Variants in FAH observed in about 807,000 individuals in gnomAD.
FAH encodes fumarylacetoacetate hydrolase, also known as fumarylacetoacetase.
In FAH, 47 loss-of-function variants were observed where a neutral mutation model predicts 55.8. The ratio of observed to expected loss-of-function variants is 0.84; its 90% CI spans 0.67 to 1.07. The LOEUF is 1.07. Among genes scored for constraint, FAH ranks in the 50% least tolerant of loss-of-function variants. The pLI, the probability that FAH is intolerant of heterozygous loss-of-function variation, is 0.00. For synonymous variants in FAH, 199 were observed against 207.7 expected, an observed-to-expected ratio of 0.96 and a Z score of 0.36; for missense variants, 495 against 545.9, an observed-to-expected ratio of 0.91 and a Z score of 0.93.
At chr15:80,171,539 C>T (rs1656122357) in intron 7 of FAH, among the ~76,000 whole-genome samples, 1 of 152,216 alleles carries the variant, frequency 6.6e-6, no homozygotes, top group African/African-American at 2.4e-5. Context: ...CGGCCTGCTG[C>T]AGCCTTGACC....
chr15:80,175,844 A>T (rs368443188), intron 10 of FAH, among the ~76,000 whole-genome samples: 1 of 151,834 alleles, frequency 6.6e-6, no homozygotes, highest in African/African-American at 2.4e-5. Context: ...ATGTCAATTC[A>T]TGCAAAGGTC....
chr15:80,162,817 C>A lies in FAH; in HGVS notation c.455+481C>A, dbSNP rs11541885. On this transcript the variant is annotated intron_variant, in intron 5 of 13. Transcript: ENST00000561421. ...GGCCATGATTGTAAGCCCCATTTTACAGACAGGAAAATGGGCTCAGAGAAG... is the reference window on the plus strand; with the variant it reads ...GGCCATGATTGTAAGCCCCATTTTAAAGACAGGAAAATGGGCTCAGAGAAG... The A allele has an allele frequency of 3.3e-3, 745 of 226,336 alleles. 5 individuals carry two copies. The highest frequency in any genetic ancestry group is 0.016 in the African/African-American group (727 of 44,206). 14.0% of individuals were successfully genotyped at this position (226,336 alleles called of 1,614,324 possible).
intron 12 of FAH, among the ~76,000 whole-genome samples, chr15:80,180,504 G>A (rs1595897525): frequency 6.6e-6 from 1 of 152,310 alleles, no homozygotes; most frequent in East Asian, 1.9e-4. Context: ...GACAGTGATA[G>A]TGTCTTGGTT....
At chr15:80,153,205 GTGGAGTGGAA>G (rs2041068271) in intron 1 of FAH, 70 bp downstream of exon 1, 12 of 1,191,408 alleles carry the variant, frequency 1.0e-5, no homozygotes, top group Non-Finnish European at 1.3e-5. Flanking sequence ...GTGGAGTGGA[GTGGAGTGGAA>G]TGGAGTGGAA....
In FAH at chr15:80,180,220, G is replaced by A. The variant is rs895743403; in HGVS notation, c.1057G>A (p.Gly353Arg). ...GDLLASGTISGPEPENFGSML... is the reference protein window; with the variant it reads ...GDLLASGTISRPEPENFGSML... Reference sequence around the variant, plus strand: ...CCTCCTGGCTTCTGGGACCATCAGCGGGCCGGTGAGTATCTGGCTGCACTG... The same window carrying A: ...CCTCCTGGCTTCTGGGACCATCAGCAGGCCGGTGAGTATCTGGCTGCACTG... The change falls in exon 12 of 14, where the codon GGG becomes AGG. Residue 353 changes from glycine to arginine, a missense_variant. By Grantham distance (125) the Gly-to-Arg change is moderately radical (BLOSUM62 -2). Transcript: ENST00000561421. 5.0e-6 allele frequency: 8 copies of A among 1,605,252 alleles called. No individual in the cohort carries two copies. Among genetic ancestry groups the A allele is most frequent in the Admixed American group, 3.3e-5 (2 of 59,996 alleles).
intron 1 of FAH, 130 bp from the exon 2 acceptor site, chr15:80,157,930 C>T (rs540241211): frequency 4.1e-6 from 3 of 733,494 alleles, no homozygotes; most frequent in South Asian, 2.9e-5. Context: ...CATGGTTCTT[C>T]AGTCCGCTCT....
At position 80,181,028 on chromosome 15, in the gene FAH, T is replaced by C; in HGVS notation, c.1063-14T>C. ...AAATTCATGTTATTCTTTCTTCCCT[T>C]TCCTGTGATGAAGGAGCCAGAAAAC... is the stretch of plus-strand genomic sequence containing the variant. On this transcript the variant is annotated splice_polypyrimidine_tract_variant and intron_variant, in intron 12 of 13. Coordinates refer to ENST00000561421, the MANE Select transcript of FAH (RefSeq NM_000137.4). The C allele has an allele frequency of 6.3e-7, 1 of 1,598,788 alleles. No individual in the cohort carries two copies. Among genetic ancestry groups the C allele is most frequent in the South Asian group, 1.1e-5 (1 of 90,618 alleles).
Position 80,160,399 on chromosome 15 carries a change from C to G in FAH, c.315-11C>G. 6.2e-7 allele frequency: 1 copy of G among 1,614,198 alleles called. No homozygotes were observed. Among genetic ancestry groups the G allele is most frequent in the South Asian group, 1.1e-5 (1 of 91,084 alleles). On this transcript the variant is annotated splice_polypyrimidine_tract_variant and intron_variant, in intron 3 of 13. Coordinates refer to ENST00000561421, the MANE Select transcript of FAH (RefSeq NM_000137.4). ...CTACTTGACTTTGAAGCCCCTGGTT[C>G]TGTGTTTCAGTGCATTCATCTCCCA...
intron 7 of FAH, among the ~76,000 whole-genome samples, chr15:80,169,503 A>G (rs2041222351): frequency 6.6e-6 from 1 of 152,104 alleles, no homozygotes; most frequent in Non-Finnish European, 1.5e-5. Context: ...TTTAGGCTGC[A>G]TACTTTTTTA....
Position 80,165,464 on chromosome 15 carries a change from G to T in FAH, c.456-2588G>T, listed in dbSNP as rs189861019. Among the ~76,000 whole-genome samples, 333 of 151,762 alleles carry T rather than the reference G, an allele frequency of 2.2e-3. 1 individual carries two copies. Among genetic ancestry groups the T allele is most frequent in the African/African-American group, 7.7e-3 (319 of 41,336 alleles). On this transcript the variant is annotated intron_variant, in intron 5 of 13. Transcript: ENST00000561421. ...AATCACTTGAACCTGGGAGGCGGAG[G>T]TTGCAGTGAGCTGAGGTTGTGCCGT...
intron 7 of FAH, among the ~76,000 whole-genome samples, chr15:80,169,645 T>C (rs2041223507): frequency 6.6e-6 from 1 of 151,962 alleles, no homozygotes; most frequent in South Asian, 2.1e-4. Context: ...ACCATTCTCC[T>C]GCCTCAGCCT....
At chr15:80,171,697 A>G (rs1046473904) in intron 7 of FAH, among the ~76,000 whole-genome samples, 2 of 152,170 alleles carry the variant, frequency 1.3e-5, no homozygotes, top group African/African-American at 4.8e-5. Flanking sequence ...CCGAGGCTCA[A>G]GTGATCCTTC....
intron 7 of FAH, among the ~76,000 whole-genome samples, chr15:80,171,057 TAA>T (rs1024631960): frequency 6.6e-6 from 1 of 151,768 alleles, no homozygotes; most frequent in Non-Finnish European, 1.5e-5. Context: ...CATTTTTCAT[TAA>T]AAAAATTTAT....
intron 13 of FAH, among the ~76,000 whole-genome samples, chr15:80,183,094 C>A (rs2041343653): frequency 6.6e-6 from 1 of 152,160 alleles, no homozygotes; most frequent in African/African-American, 2.4e-5. Flanking sequence ...CCATGAGAGT[C>A]ATTTCCATGT....
In FAH at chr15:80,177,680, A is replaced by G. The variant is rs921037247; in HGVS notation, c.960+97A>G. On this transcript the variant is annotated intron_variant, in intron 11 of 13. Transcript: ENST00000561421. ...AGGAGGAGAGCATTCCTTTTGGGAT[A>G]TGATGATGGGTCAGCCTGTGGGCCT... 5 of 1,174,996 alleles carry G rather than the reference A, an allele frequency of 4.3e-6. No individual in the cohort carries two copies. The Admixed American group carries it at 6.8e-5, about 16-fold the overall frequency. 72.8% of individuals were successfully genotyped at this position (1,174,996 alleles called of 1,614,324 possible). A position where few individuals can be genotyped will look rare whatever the true frequency, so the allele number is the denominator to read the frequency against.
chr15:80,159,950 C>G, intron 3 of FAH, 73 bp downstream of exon 3: 1 of 1,561,924 alleles, frequency 6.4e-7, no homozygotes, highest in Non-Finnish European at 8.7e-7. Flanking sequence ...GTTATCAGTG[C>G]CATTCTGAGT....
chr15:80,171,315 TA>T (rs912232722), intron 7 of FAH, among the ~76,000 whole-genome samples: 5 of 150,332 alleles, frequency 3.3e-5, no homozygotes, highest in Non-Finnish European at 7.4e-5. Context: ...TATGCAGCCA[TA>T]AAAAATGATG....
chr15:80,182,047 G>A (rs964344125), intron 13 of FAH, among the ~76,000 whole-genome samples: 2 of 152,166 alleles, frequency 1.3e-5, no homozygotes, highest in Middle Eastern at 3.2e-3. Flanking sequence ...AAATCCTCGT[G>A]TTGGCAGTGC....
chr15:80,181,870 C>A (rs527905813), intron 13 of FAH, among the ~76,000 whole-genome samples: 3 of 152,284 alleles, frequency 2.0e-5, no homozygotes, highest in Admixed American at 2.0e-4. Flanking sequence ...GCCTTAGCCT[C>A]CCGAGTAGCT....
Sources: allele counts gnomAD v4.1 joint callset (sites outside exome capture counted in the v4.1 genomes callset), GRCh38; gene constraint gnomAD v4.1.1; transcripts MANE v1.5; gene names NCBI Gene and HGNC (gene_info 2026-07-23, HGNC 2026-07-21).